The following UBR3 variants were observed in gnomAD, a reference collection of about 807,000 sequenced individuals.
UBR3 encodes E3 ubiquitin-protein ligase UBR3.
Under a neutral mutation model 243.2 loss-of-function variants are expected in UBR3, and 85 were observed. The observed-to-expected ratio is 0.35, with a 90% CI of 0.29 to 0.42. UBR3 has a LOEUF of 0.42. Among genes scored for constraint, UBR3 ranks in the 10% least tolerant of loss-of-function variants. The pLI, the probability that UBR3 is intolerant of heterozygous loss-of-function variation, is 1.00. For synonymous variants in UBR3, 748 were observed against 799.8 expected (o/e 0.94, Z 1.09); for missense variants, 1,686 against 2,300.8 (o/e 0.73, Z 5.47).
chr2:170,067,769 AAT>A (rs2091608143), intron 35 of UBR3, among the ~76,000 whole-genome samples: 2 of 110,382 alleles, frequency 1.8e-5, no homozygotes, highest in African/African-American at 3.2e-5. Context: ...ACAAGGAAAT[AAT>A]TTTTTTTTTT....
intron 1 of UBR3, among the ~76,000 whole-genome samples, chr2:169,856,108 TC>T (rs1212403444): frequency 6.7e-6 from 1 of 149,270 alleles, no homozygotes; most frequent in Admixed American, 6.6e-5. Context: ...GCTCCTCACT[TC>T]TCAGACGGGG....
At chr2:169,868,303 C>T (rs2105307343) in intron 1 of UBR3, among the ~76,000 whole-genome samples, 1 of 152,120 alleles carries the variant, frequency 6.6e-6, no homozygotes, top group Non-Finnish European at 1.5e-5. Flanking sequence ...TCTGTAAATC[C>T]CTGTCTCTGT....
chr2:169,913,730 C>A (rs1258719327), intron 10 of UBR3, among the ~76,000 whole-genome samples: 2 of 151,960 alleles, frequency 1.3e-5, no homozygotes, highest in Non-Finnish European at 2.9e-5. Flanking sequence ...AACTCTGTAC[C>A]CATTAAACAA....
chr2:169,988,770 C>T (rs574291983), intron 25 of UBR3, among the ~76,000 whole-genome samples: 6 of 151,458 alleles, frequency 4.0e-5, no homozygotes, highest in East Asian at 1.9e-4. Context: ...CTCTAGCCTG[C>T]GTGATAGAGT....
chr2:170,066,998 T>G (rs2091586681), intron 35 of UBR3, among the ~76,000 whole-genome samples: 1 of 47,254 alleles, frequency 2.1e-5, no homozygotes, highest in Non-Finnish European at 7.0e-5. Context: ...AATAATAAAC[T>G]TCATTATAAC....
intron 32 of UBR3, among the ~76,000 whole-genome samples, chr2:170,048,473 T>C (rs1189767546): frequency 6.6e-6 from 1 of 152,206 alleles, no homozygotes; most frequent in Non-Finnish European, 1.5e-5. Flanking sequence ...TAAATACTCA[T>C]GACTCTTCCT....
chr2:170,036,097 A>G (rs939230165), intron 31 of UBR3, among the ~76,000 whole-genome samples: 4 of 151,972 alleles, frequency 2.6e-5, no homozygotes, highest in Admixed American at 6.6e-5. Flanking sequence ...ATAGACGACC[A>G]TGTAATCTGT....
intron 1 of UBR3, among the ~76,000 whole-genome samples, chr2:169,860,869 G>A (rs1328621083): frequency 2.0e-5 from 3 of 152,144 alleles, no homozygotes; most frequent in African/African-American, 4.8e-5. Flanking sequence ...GGATCAGCCC[G>A]AGTCCCAAAA....
chr2:169,836,749 G>A (rs1260647186), intron 1 of UBR3, among the ~76,000 whole-genome samples: 2 of 151,868 alleles, frequency 1.3e-5, no homozygotes, highest in Admixed American at 1.3e-4. Flanking sequence ...GACTAGTAAA[G>A]TTGAACATCT....
At chr2:169,971,028 G>A (rs1180556558) in intron 24 of UBR3, among the ~76,000 whole-genome samples, 1 of 150,452 alleles carries the variant, frequency 6.6e-6, no homozygotes, top group Admixed American at 6.6e-5. Context: ...TAACTGGTGT[G>A]AGATGGTATC....
rs563589541 is a variant in UBR3, at chr2:170,006,750, A to C, written c.4030-240A>C. On this transcript the variant is annotated intron_variant, in intron 27 of 38. Coordinates refer to ENST00000272793, the MANE Select transcript of UBR3 (RefSeq NM_172070.4). Reference sequence around the variant, plus strand: ...CATCACTTGAAAGTTTCATATTGAGAGAAGAGTAAGATACTTAAACAGTGT... The same window carrying C: ...CATCACTTGAAAGTTTCATATTGAGCGAAGAGTAAGATACTTAAACAGTGT... Among the ~76,000 whole-genome samples the C allele has an allele frequency of 4.6e-5, 7 of 152,330 alleles. No individual in the cohort carries two copies. In the South Asian group the frequency reaches 1.5e-3, roughly 32 times the overall value.
intron 1 of UBR3, 44 bp downstream of exon 1, chr2:169,828,096 G>T (rs2081802771): frequency 7.4e-7 from 1 of 1,349,462 alleles, no homozygotes; most frequent in Non-Finnish European, 9.5e-7. Context: ...CTGGGCCGGG[G>T]ACGTCGCGGG....
At chr2:169,835,369 TGAAAA>T (rs1487693559) in intron 1 of UBR3, among the ~76,000 whole-genome samples, 2 of 152,098 alleles carry the variant, frequency 1.3e-5, no homozygotes, top group East Asian at 1.9e-4. Flanking sequence ...CCTCATCTCT[TGAAAA>T]GAAAGCAAAA....
chr2:170,033,514 G>T (rs1396895214), intron 31 of UBR3, among the ~76,000 whole-genome samples: 2 of 141,726 alleles, frequency 1.4e-5, no homozygotes, highest in Non-Finnish European at 3.0e-5. Context: ...AACTATCATT[G>T]TATGCTTCTT....
intron 1 of UBR3, among the ~76,000 whole-genome samples, chr2:169,829,613 CAG>C (rs1216182574): frequency 6.6e-6 from 1 of 151,888 alleles, no homozygotes; most frequent in Non-Finnish European, 1.5e-5. Flanking sequence ...TTAGTAGAGA[CAG>C]GGTTTCTCCA....
At chr2:169,965,952 T>A (rs1174536163) in intron 24 of UBR3, among the ~76,000 whole-genome samples, 1 of 152,164 alleles carries the variant, frequency 6.6e-6, no homozygotes, top group African/African-American at 2.4e-5. Flanking sequence ...TTCAAATTTA[T>A]AACATACAGT....
In UBR3 at chr2:169,877,682, T is replaced by G. The variant is rs779734415; in HGVS notation, c.988+45T>G. 17 of 1,499,490 alleles carry G rather than the reference T, an allele frequency of 1.1e-5. No homozygotes were observed. The South Asian group carries it at 2.0e-4, about 18-fold the overall frequency. The allele number at this position is 1,499,490 out of a possible 1,614,324, so 92.9% of individuals were successfully genotyped here. ...TTGAACAGTTGTAACTTTTCTGTAT[T>G]AAAACCAAAAAAACCTCTCAAACTT... On this transcript the variant is annotated intron_variant, in intron 4 of 38. Coordinates refer to ENST00000272793, the MANE Select transcript of UBR3 (RefSeq NM_172070.4).
intron 30 of UBR3, among the ~76,000 whole-genome samples, chr2:170,018,665 C>A (rs1008467711): frequency 6.6e-6 from 1 of 152,168 alleles, no homozygotes; most frequent in Non-Finnish European, 1.5e-5. Flanking sequence ...ATCAGTGAAG[C>A]TTTTGGTGGA....
chr2:169,997,932 C>T (rs2089557623), intron 26 of UBR3, among the ~76,000 whole-genome samples: 1 of 152,194 alleles, frequency 6.6e-6, no homozygotes, highest in South Asian at 2.1e-4. Flanking sequence ...CCTGAAACTG[C>T]AGCTCGGTTT....
Sources: allele counts gnomAD v4.1 joint callset (sites outside exome capture counted in the v4.1 genomes callset), GRCh38; gene constraint gnomAD v4.1.1; transcripts MANE v1.5; gene names NCBI Gene and HGNC (gene_info 2026-07-23, HGNC 2026-07-21).